INPP4A: variants seen among roughly 807,000 people sequenced by gnomAD.
INPP4A encodes inositol polyphosphate-4-phosphatase type I A, also known as inositol polyphosphate-4-phosphatase, type I, 107kD.
A neutral mutation model predicts 119.8 loss-of-function variants in INPP4A; 33 were observed. The observed-to-expected ratio is 0.28, with a 90% confidence interval of 0.21 to 0.37. INPP4A has a LOEUF of 0.37. Among genes scored for constraint, INPP4A ranks in the 10% least tolerant of loss-of-function variants. INPP4A has a pLI of 1.00. For missense variants in INPP4A, 956 were observed against 1,289.9 expected (o/e 0.74, Z 3.97); for synonymous variants, 496 against 500.7 (o/e 0.99, Z 0.12).
chr2:98,533,159 G>A (rs1441142527), intron 4 of INPP4A, among the ~76,000 whole-genome samples: 1 of 152,256 alleles, frequency 6.6e-6, no homozygotes, highest in Admixed American at 6.5e-5. Context: ...TTTCACTGAA[G>A]TTATGACATT....
chr2:98,513,589 G>A (rs1200125189), intron 1 of INPP4A, among the ~76,000 whole-genome samples: 4 of 152,226 alleles, frequency 2.6e-5, no homozygotes, highest in East Asian at 1.9e-4. Context: ...TATGCAGCAC[G>A]TACCTTGGCT....
At chr2:98,541,370 A>G (rs1013148752) in intron 10 of INPP4A, among the ~76,000 whole-genome samples, 1 of 152,112 alleles carries the variant, frequency 6.6e-6, no homozygotes, top group East Asian at 1.9e-4. Context: ...GAGCACCTAG[A>G]TATCTTTCAC....
At chr2:98,483,658 C>T (rs769242876) in intron 1 of INPP4A, among the ~76,000 whole-genome samples, 3 of 152,174 alleles carry the variant, frequency 2.0e-5, no homozygotes, top group Non-Finnish European at 4.4e-5. Flanking sequence ...CTCAAAACAC[C>T]TCATCATTAG....
intron 1 of INPP4A, among the ~76,000 whole-genome samples, chr2:98,446,070 T>TGG (rs1694131041): frequency 1.3e-5 from 2 of 152,160 alleles, no homozygotes; most frequent in South Asian, 4.1e-4. Context: ...GGGAAGCCAG[T>TGG]GGGGTTGAGG....
At chr2:98,494,476 C>T (rs538624490) in intron 1 of INPP4A, among the ~76,000 whole-genome samples, 2 of 152,262 alleles carry the variant, frequency 1.3e-5, no homozygotes, top group African/African-American at 4.8e-5. Flanking sequence ...AAGTGGGACA[C>T]AGTCTGTGCG....
At chr2:98,555,396 G>A (rs1357250886) in intron 15 of INPP4A, among the ~76,000 whole-genome samples, 157 bp from the exon 16 acceptor site, 1 of 152,224 alleles carries the variant, frequency 6.6e-6, no homozygotes, top group African/African-American at 2.4e-5. Flanking sequence ...CAACTTTAGT[G>A]GGGAATTAGG....
intron 24 of INPP4A, among the ~76,000 whole-genome samples, chr2:98,586,719 A>C (rs1445745647): frequency 5.3e-5 from 8 of 152,308 alleles, no homozygotes; most frequent in African/African-American, 1.2e-4. Flanking sequence ...TGACGCTGGT[A>C]GTGAGTTCTC....
chr2:98,542,169 C>T lies in INPP4A; in HGVS notation c.819-1708C>T, dbSNP rs141284854. 6.6e-4 allele frequency among the ~76,000 whole-genome samples: 100 copies of T among 152,388 alleles called. 2 individuals are homozygous for T. The East Asian group carries it at 0.01, about 16-fold the overall frequency. ...GAAGCATAGGAAGCCACCACATGAA[C>T]ACGGGCAGACACATTCCAGAGAAAC... On this transcript the variant is annotated intron_variant, in intron 10 of 24. Transcript: ENST00000409851.
At chr2:98,560,192 A>G (rs1214434168) in intron 17 of INPP4A, among the ~76,000 whole-genome samples, 1 of 152,204 alleles carries the variant, frequency 6.6e-6, no homozygotes, top group African/African-American at 2.4e-5. Flanking sequence ...GGTTTTGAGC[A>G]TGAGTCCCCC....
chr2:98,515,603 T>G (rs1192600623), intron 1 of INPP4A, among the ~76,000 whole-genome samples: 2 of 152,168 alleles, frequency 1.3e-5, no homozygotes, highest in Admixed American at 1.3e-4. Flanking sequence ...GCAACTCCTT[T>G]TAAAAATTAT....
intron 1 of INPP4A, among the ~76,000 whole-genome samples, chr2:98,510,083 A>G (rs1227476060): frequency 6.6e-6 from 1 of 152,214 alleles, no homozygotes; most frequent in Non-Finnish European, 1.5e-5. Flanking sequence ...AGGCCCCGTC[A>G]TTGCAGTTGG....
At position 98,545,842 on chromosome 2, in the gene INPP4A, C is replaced by A. The variant is rs1232269643; in HGVS notation, c.950-127C>A. 6.1e-6 allele frequency: 4 copies of A among 651,872 alleles called. No individual in the cohort carries two copies. The East Asian group carries it at 1.2e-4, about 19-fold the overall frequency. 40.4% of individuals were successfully genotyped at this position (651,872 alleles called of 1,614,324 possible). On this transcript the variant is annotated intron_variant, in intron 11 of 24. Coordinates refer to ENST00000409851, the MANE Select transcript of INPP4A (RefSeq NM_001134225.2). ...AAATGTGCTCATGGCAACTCAGAAT[C>A]TTCTAGGCCACTGCCGACATACCTG...
intron 24 of INPP4A, among the ~76,000 whole-genome samples, chr2:98,584,254 A>C (rs796920463): frequency 3.1e-4 from 48 of 152,394 alleles, no homozygotes; most frequent in African/African-American, 1.1e-3. Context: ...ATTTGAAAGC[A>C]AGAGAGCAGA....
rs532994572 is a variant in INPP4A at position 98,574,330 on chromosome 2, C to G, written c.2631+1403C>G. Among the ~76,000 whole-genome samples the G allele has an allele frequency of 3.9e-5, 6 of 152,102 alleles. No homozygotes were observed. The East Asian group carries it at 1.2e-3, about 29-fold the overall frequency. ...TTTTGTGTGAAAAGCAAGCCTTTCCCACAGGACACGAAGAATACAGAGGGT... is the reference window on the plus strand; with the variant it reads ...TTTTGTGTGAAAAGCAAGCCTTTCCGACAGGACACGAAGAATACAGAGGGT... On this transcript the variant is annotated intron_variant, in intron 23 of 24. Transcript: ENST00000409851.
At chr2:98,549,784 C>T (rs1693164219) in intron 13 of INPP4A, among the ~76,000 whole-genome samples, 1 of 152,172 alleles carries the variant, frequency 6.6e-6, no homozygotes, top group Non-Finnish European at 1.5e-5. Context: ...TCAACTTCCC[C>T]CTGGGGGTCC....
At chr2:98,474,061 T>C (rs3820947) in intron 1 of INPP4A, among the ~76,000 whole-genome samples, 121,164 of 152,168 alleles carry the variant, frequency 0.8, 49,322 homozygotes, top group African/African-American at 0.96. Context: ...TATACAGACA[T>C]GGACGTTTTC....
chr2:98,479,882 G>T (rs1227090418), intron 1 of INPP4A, among the ~76,000 whole-genome samples: 1 of 152,206 alleles, frequency 6.6e-6, no homozygotes, highest in East Asian at 1.9e-4. Context: ...CTTGGGCTGT[G>T]CACTTACCTA....
chr2:98,593,774 T>C lies in INPP4A; in HGVS notation c.*6166T>C, dbSNP rs953105794. On this transcript the variant is annotated 3_prime_UTR_variant, in exon 25 of 25. Transcript: ENST00000409851. ...GTATCTCTTGAGAACCATCCCATAA[T>C]TTCCATCCATGCACCCCAAGGCCTG... 2 of 139,252 alleles carry C rather than the reference T, an allele frequency of 1.4e-5. No individual in the cohort carries two copies. The highest frequency in any genetic ancestry group is 5.3e-5 in the African/African-American group (2 of 37,484). The allele number at this position is 139,252 out of a possible 1,614,324, so 8.6% of individuals were successfully genotyped here.
intron 3 of INPP4A, among the ~76,000 whole-genome samples, 166 bp downstream of exon 3, chr2:98,520,320 G>A (rs1686942363): frequency 1.3e-5 from 2 of 152,316 alleles, no homozygotes; most frequent in South Asian, 4.1e-4. Flanking sequence ...TAGGGAAGGG[G>A]GATGTCAGCC....
Sources: allele counts gnomAD v4.1 joint callset (sites outside exome capture counted in the v4.1 genomes callset), GRCh38; gene constraint gnomAD v4.1.1; transcripts MANE v1.5; gene names NCBI Gene and HGNC (gene_info 2026-07-23, HGNC 2026-07-21).